The following YES1 variants were observed in gnomAD, a reference collection of about 807,000 sequenced individuals.
YES1 encodes the protein tyrosine-protein kinase Yes.
In YES1, 39 loss-of-function variants were observed where a neutral mutation model predicts 70.4. That is an observed-to-expected ratio of 0.55 (90% CI 0.43 to 0.72). YES1 has a LOEUF of 0.72. Ranked by LOEUF, YES1 falls within the 30% of genes least tolerant of loss-of-function variation. The pLI, the probability that YES1 is intolerant of heterozygous loss-of-function variation, is 0.00. For synonymous variants in YES1, 198 were observed against 218.6 expected, an observed-to-expected ratio of 0.91 and a Z score of 0.83; for missense variants, 495 against 644.8, an observed-to-expected ratio of 0.77 and a Z score of 2.52.
intron 8 of YES1, among the ~76,000 whole-genome samples, 185 bp from the exon 9 acceptor site, chr18:739,996 T>G (rs1236086873): frequency 6.6e-6 from 1 of 152,194 alleles, no homozygotes; most frequent in Non-Finnish European, 1.5e-5. Context: ...AGCTGAAATT[T>G]TGAAAACTTC....
intron 1 of YES1, among the ~76,000 whole-genome samples, chr18:785,948 TTC>T (rs1905914678): frequency 6.6e-6 from 1 of 151,952 alleles, no homozygotes; most frequent in South Asian, 2.1e-4. Flanking sequence ...TAAAGTGAGT[TTC>T]TCTCTCTCCC....
At chr18:785,084 C>T (rs1451167506) in intron 1 of YES1, among the ~76,000 whole-genome samples, 2 of 151,974 alleles carry the variant, frequency 1.3e-5, no homozygotes, top group East Asian at 3.9e-4. Context: ...CATGAGTGTC[C>T]AACCCTTTGA....
At chr18:786,145 A>C (rs548142418) in intron 1 of YES1, among the ~76,000 whole-genome samples, 7 of 152,060 alleles carry the variant, frequency 4.6e-5, no homozygotes, top group Non-Finnish European at 1.0e-4. Flanking sequence ...AAATAAACTA[A>C]GAAACCCTAA....
intron 1 of YES1, among the ~76,000 whole-genome samples, chr18:792,403 C>A (rs1466184498): frequency 6.6e-6 from 1 of 152,054 alleles, no homozygotes; most frequent in Admixed American, 6.6e-5. Flanking sequence ...TGCAGCTGCA[C>A]ACATCTGTAG....
At chr18:781,019 A>T (rs1393897681) in intron 1 of YES1, among the ~76,000 whole-genome samples, 1 of 152,170 alleles carries the variant, frequency 6.6e-6, no homozygotes, top group Non-Finnish European at 1.5e-5. Flanking sequence ...CTTCAATCCC[A>T]GCACTTTGGG....
chr18:764,530 T>C (rs1598917277), intron 1 of YES1, among the ~76,000 whole-genome samples: 1 of 152,152 alleles, frequency 6.6e-6, no homozygotes, highest in Middle Eastern at 3.4e-3. Context: ...CCAAAGTTTC[T>C]AGTTTTAACC....
intron 1 of YES1, among the ~76,000 whole-genome samples, chr18:799,914 A>C (rs1305102399): frequency 1.3e-5 from 2 of 150,722 alleles, no homozygotes; most frequent in Non-Finnish European, 2.9e-5. Context: ...AAAAAACAAA[A>C]AAAAAAGAAG....
At chr18:798,203 G>A (rs752033801) in intron 1 of YES1, 5 of 152,264 alleles carry the variant, frequency 3.3e-5, no homozygotes, top group Admixed American at 6.5e-5. Flanking sequence ...TTTCAGAAAT[G>A]AGAAGATAAA....
At position 735,013 on chromosome 18, in the gene YES1, C is replaced by T. The variant is rs568026173; in HGVS notation, c.1291+1795G>A. Among the ~76,000 whole-genome samples the T allele has an allele frequency of 5.1e-4, 78 of 152,052 alleles. 1 individual carries two copies. Among genetic ancestry groups the T allele is most frequent in the African/African-American group, 1.4e-3 (58 of 41,492 alleles). ...TCTCTACTAAAATACAAAAATTAGCCGGGCCTGGTGGCAGGTGCCTGTAAT... is the reference window on the plus strand; with the variant it reads ...TCTCTACTAAAATACAAAAATTAGCTGGGCCTGGTGGCAGGTGCCTGTAAT... On this transcript the variant is annotated intron_variant, in intron 10 of 11. Transcript: ENST00000314574.
In YES1 at chr18:748,020, T is replaced by A; in HGVS notation, c.372-2A>T. 1 of 1,613,628 alleles carries A rather than the reference T, an allele frequency of 6.2e-7. No homozygotes were observed. Among genetic ancestry groups the A allele is most frequent in the Non-Finnish European group, 8.5e-7 (1 of 1,179,782 alleles). ...CTTGCTTCCCACCAATCTCCTTCCC[T>A]GCAACACATAAAACAGCAATCACCG... On this transcript the variant is annotated splice_acceptor_variant, in intron 3 of 11. Transcript: ENST00000314574. LOFTEE classifies it high-confidence loss of function.
At chr18:806,655 GAAT>G (rs1907115052) in intron 1 of YES1, among the ~76,000 whole-genome samples, 1 of 152,218 alleles carries the variant, frequency 6.6e-6, no homozygotes, top group Admixed American at 6.5e-5. Context: ...ACTAGGTCAA[GAAT>G]AACAGACAAG....
chr18:737,519 G>A (rs967080756), intron 9 of YES1: 1 of 152,284 alleles, frequency 6.6e-6, no homozygotes, highest in African/African-American at 2.4e-5. Flanking sequence ...TCTTGTGTCT[G>A]TGGTTAGGAG....
chr18:745,053 A>G lies in YES1; in HGVS notation c.724+655T>C, dbSNP rs550347012. On this transcript the variant is annotated intron_variant, in intron 6 of 11. Transcript: ENST00000314574. Reference sequence around the variant, plus strand: ...AATGTCAAGATTGCTGGCTGACTTGATAGACTCAGTTTGCAGCTAGCTGTC... The same window carrying G: ...AATGTCAAGATTGCTGGCTGACTTGGTAGACTCAGTTTGCAGCTAGCTGTC... 3.5e-4 allele frequency among the ~76,000 whole-genome samples: 53 copies of G among 152,210 alleles called. 1 individual carries two copies. The highest frequency in any genetic ancestry group is 1.3e-3 in the African/African-American group (52 of 41,550).
At chr18:763,876 CT>C (rs1229978120) in intron 1 of YES1, among the ~76,000 whole-genome samples, 2 of 152,122 alleles carry the variant, frequency 1.3e-5, no homozygotes, top group Admixed American at 1.3e-4. Context: ...AATCCCAGCA[CT>C]TTGGGAGGCC....
intron 1 of YES1, among the ~76,000 whole-genome samples, chr18:797,833 T>TG (rs1249302779): frequency 6.6e-6 from 1 of 152,186 alleles, no homozygotes; most frequent in African/African-American, 2.4e-5. Context: ...GGTAGGGCCC[T>TG]GGAAGTATCA....
chr18:776,046 T>C (rs1267015252), intron 1 of YES1, among the ~76,000 whole-genome samples: 3 of 152,202 alleles, frequency 2.0e-5, no homozygotes, highest in South Asian at 2.1e-4. Flanking sequence ...CATGTATGCA[T>C]ATTCTACTGG....
chr18:787,080 CTTTTTTTTTTTTTTTTTTTTT>C (rs71174290), intron 1 of YES1, among the ~76,000 whole-genome samples: 5 of 34,754 alleles, frequency 1.4e-4, no homozygotes, highest in South Asian at 1.7e-3. Flanking sequence ...TACATACTGT[CTTTTTTTTTTTTTTTTTTTTT>C]TTTTTTTTTT....
chr18:801,161 TAAA>T (rs1906800522), intron 1 of YES1, among the ~76,000 whole-genome samples: 1 of 151,448 alleles, frequency 6.6e-6, no homozygotes, highest in Admixed American at 6.6e-5. Flanking sequence ...AATATAAAAA[TAAA>T]AAATAAAAAT....
chr18:739,851 T>C (rs1002627166), intron 8 of YES1, 40 bp from the exon 9 acceptor site: 18 of 1,500,600 alleles, frequency 1.2e-5, no homozygotes, highest in Middle Eastern at 2.4e-4. Context: ...AATAAGCAAA[T>C]CTTATATTAG....
Sources: allele counts gnomAD v4.1 joint callset (sites outside exome capture counted in the v4.1 genomes callset), GRCh38; gene constraint gnomAD v4.1.1; transcripts MANE v1.5; gene names NCBI Gene and HGNC (gene_info 2026-07-23, HGNC 2026-07-21).